Variants in RANBP2 observed in about 807,000 individuals in gnomAD.
The protein encoded by RANBP2 is RAN binding protein 2.
A neutral mutation model predicts 303.6 loss-of-function variants in RANBP2; 57 were observed. The observed-to-expected ratio is 0.19, with a 90% confidence interval of 0.15 to 0.23. RANBP2 has a LOEUF of 0.23. Ranked by LOEUF, RANBP2 falls within the 10% of genes least tolerant of loss-of-function variation. The probability of loss-of-function intolerance (pLI) is 1.00; values close to 1 mark genes in which losing one functional copy is unlikely to be tolerated. For missense variants in RANBP2, 3,138 were observed against 3,780.8 expected (o/e 0.83, Z 4.46); for synonymous variants, 1,167 against 1,301.5 (o/e 0.90, Z 2.23).
the RANBP2 span, among the ~76,000 whole-genome samples, chr2:109,658,015 G>A: frequency 6.6e-6 from 1 of 151,602 alleles, no homozygotes; most frequent in African/African-American, 2.4e-5. Flanking sequence ...CCACCGTGCC[G>A]GGCCTGAGTT....
chr2:108,888,016 T>C, the RANBP2 span, among the ~76,000 whole-genome samples: 1 of 152,260 alleles, frequency 6.6e-6, no homozygotes, highest in East Asian at 1.9e-4. Context: ...GTCATAGCCT[T>C]TCTTATTTTG....
chr2:108,999,278 G>A, the RANBP2 span, among the ~76,000 whole-genome samples: 4 of 152,252 alleles, frequency 2.6e-5, no homozygotes, highest in East Asian at 7.7e-4. Flanking sequence ...CATAAACATG[G>A]GGCTTAGGCT....
At chr2:109,350,434 G>A in the RANBP2 span, among the ~76,000 whole-genome samples, 1 of 152,132 alleles carries the variant, frequency 6.6e-6, no homozygotes, top group African/African-American at 2.4e-5. Context: ...AGAATTAGAG[G>A]CCTCTGGGTG....
the RANBP2 span, among the ~76,000 whole-genome samples, chr2:109,517,947 C>T: frequency 6.6e-6 from 1 of 152,198 alleles, no homozygotes; most frequent in Non-Finnish European, 1.5e-5. Flanking sequence ...CCGATGGGAG[C>T]TCGAGTCCCA....
chr2:109,408,706 T>G, the RANBP2 span, among the ~76,000 whole-genome samples: 1 of 152,154 alleles, frequency 6.6e-6, no homozygotes, highest in Non-Finnish European at 1.5e-5. Flanking sequence ...AACAAAAGGA[T>G]TTTTCAAAGT....
At chr2:109,158,778 C>G in the RANBP2 span, among the ~76,000 whole-genome samples, 1 of 152,360 alleles carries the variant, frequency 6.6e-6, no homozygotes, top group African/African-American at 2.4e-5. Context: ...AAGCAAGTAG[C>G]AATGGCTGAT....
the RANBP2 span, among the ~76,000 whole-genome samples, chr2:109,085,325 A>G: frequency 6.6e-6 from 1 of 152,136 alleles, no homozygotes; most frequent in African/African-American, 2.4e-5. Context: ...TTTTTTTTAG[A>G]TAGAGTCTTG....
chr2:109,509,254 C>T, the RANBP2 span, among the ~76,000 whole-genome samples: 3 of 152,198 alleles, frequency 2.0e-5, no homozygotes, highest in South Asian at 2.1e-4. Flanking sequence ...GGGGCCCAGC[C>T]GCCTGTCAGA....
chr2:108,910,775 C>T, the RANBP2 span: 1 of 1,613,014 alleles, frequency 6.2e-7, no homozygotes, highest in African/African-American at 1.3e-5. Flanking sequence ...GGTTCACAGA[C>T]CTGGGGCCTC....
chr2:108,898,152 G>C, the RANBP2 span, among the ~76,000 whole-genome samples: 1 of 152,142 alleles, frequency 6.6e-6, no homozygotes. Flanking sequence ...CAGAAAAACT[G>C]TGTCCCCACT....
At chr2:108,757,656 C>G (rs1676418294) in intron 17 of RANBP2, among the ~76,000 whole-genome samples, 1 of 152,110 alleles carries the variant, frequency 6.6e-6, no homozygotes, top group Non-Finnish European at 1.5e-5. Context: ...CGCGGAATGT[C>G]AGGTAGTCCA....
the RANBP2 span, among the ~76,000 whole-genome samples, chr2:109,598,480 T>C: frequency 6.6e-6 from 1 of 152,202 alleles, no homozygotes; most frequent in African/African-American, 2.4e-5. Flanking sequence ...ATGAGGTCTT[T>C]TTTGGCATTC....
At chr2:109,403,391 A>G in the RANBP2 span, among the ~76,000 whole-genome samples, 1 of 152,136 alleles carries the variant, frequency 6.6e-6, no homozygotes, top group African/African-American at 2.4e-5. Context: ...CAGTGAGCCA[A>G]TTGTTCATTG....
At chr2:108,987,803 C>T in the RANBP2 span, among the ~76,000 whole-genome samples, 6 of 152,222 alleles carry the variant, frequency 3.9e-5, no homozygotes, top group Admixed American at 3.3e-4. Context: ...TATTTCCAAG[C>T]CTTGACCAGA....
the RANBP2 span, among the ~76,000 whole-genome samples, chr2:109,033,848 C>T: frequency 2.0e-5 from 3 of 149,714 alleles, no homozygotes; most frequent in African/African-American, 7.4e-5. Flanking sequence ...CCCAGCAATT[C>T]GGGAGGCTGA....
At chr2:108,933,806 G>T in the RANBP2 span, among the ~76,000 whole-genome samples, 1 of 152,106 alleles carries the variant, frequency 6.6e-6, no homozygotes, top group African/African-American at 2.4e-5. Flanking sequence ...CCTGCAGCCC[G>T]TCAGGTGGGG....
chr2:108,992,325 T>G, the RANBP2 span, among the ~76,000 whole-genome samples: 1 of 151,160 alleles, frequency 6.6e-6, no homozygotes, highest in Non-Finnish European at 1.5e-5. Flanking sequence ...GCTTATGCTC[T>G]GTTTGGGGAG....
At chr2:109,194,594 G>A in the RANBP2 span, among the ~76,000 whole-genome samples, 12 of 152,206 alleles carry the variant, frequency 7.9e-5, no homozygotes, top group Admixed American at 7.2e-4. Flanking sequence ...TGGGTAGGGA[G>A]GGCAGGCACA....
chr2:109,499,197 C>T, the RANBP2 span, among the ~76,000 whole-genome samples: 1 of 152,150 alleles, frequency 6.6e-6, no homozygotes, highest in Non-Finnish European at 1.5e-5. Context: ...GCATCCAGAG[C>T]CGCGGGGGCC....
Sources: gnomAD v4.1 joint callset for allele counts (sites outside exome capture counted in the v4.1 genomes callset) on GRCh38, gnomAD v4.1.1 for gene constraint, MANE v1.5 for transcripts, NCBI Gene and HGNC (gene_info 2026-07-23, HGNC 2026-07-21) for gene names.